The following CAMK1D variants were observed in gnomAD, a reference collection of about 807,000 sequenced individuals.
CAMK1D encodes calcium/calmodulin dependent protein kinase ID.
CAMK1D carries 9 observed loss-of-function variants against 47.7 expected under a neutral mutation model. That is an observed-to-expected ratio of 0.19 (90% CI 0.11 to 0.33). The LOEUF is 0.33. Ranked by LOEUF, CAMK1D falls within the 10% of genes least tolerant of loss-of-function variation. The pLI is 1.00. For synonymous variants in CAMK1D, 184 were observed against 184.9 expected, an observed-to-expected ratio of 0.99 and a Z score of 0.04; for missense variants, 291 against 488.7, an observed-to-expected ratio of 0.60 and a Z score of 3.81.
At chr10:12,819,218 G>A (rs1472841078) in intron 8 of CAMK1D, among the ~76,000 whole-genome samples, 2 of 152,214 alleles carry the variant, frequency 1.3e-5, no homozygotes, top group Non-Finnish European at 2.9e-5. Flanking sequence ...TGGAGGCCCT[G>A]CTGAGTGCCA....
chr10:12,428,747 C>T (rs946168444), intron 1 of CAMK1D, among the ~76,000 whole-genome samples: 1 of 152,212 alleles, frequency 6.6e-6, no homozygotes, highest in Non-Finnish European at 1.5e-5. Context: ...TTGAAATTCT[C>T]ACTCCCAATG....
intron 3 of CAMK1D, among the ~76,000 whole-genome samples, chr10:12,674,527 A>G (rs1304590792): frequency 6.7e-6 from 1 of 149,082 alleles, no homozygotes; most frequent in Non-Finnish European, 1.5e-5. Flanking sequence ...TTGTTCCTGT[A>G]CTGCTGCAGC....
chr10:12,372,825 C>G (rs547229465), intron 1 of CAMK1D, among the ~76,000 whole-genome samples: 20 of 152,234 alleles, frequency 1.3e-4, no homozygotes, highest in South Asian at 2.1e-4. Flanking sequence ...GAGACTGGGT[C>G]TCACTGTCTT....
chr10:12,586,536 C>G (rs1837824134), intron 2 of CAMK1D, among the ~76,000 whole-genome samples: 1 of 151,836 alleles, frequency 6.6e-6, no homozygotes, highest in South Asian at 2.1e-4. Context: ...GAAATCTACT[C>G]CTTTGTTAAA....
chr10:12,615,343 A>G (rs1426611859), intron 2 of CAMK1D, among the ~76,000 whole-genome samples: 1 of 152,224 alleles, frequency 6.6e-6, no homozygotes, highest in Non-Finnish European at 1.5e-5. Context: ...AATATATTGG[A>G]GTAATTAATT....
chr10:12,824,358 C>T (rs1029341994), intron 8 of CAMK1D, 107 bp from the exon 9 acceptor site: 30 of 956,384 alleles, frequency 3.1e-5, no homozygotes, highest in Admixed American at 2.9e-4. Flanking sequence ...ACCCTGTCCA[C>T]GACTGAGCCT....
chr10:12,548,745 A>G (rs990923087), intron 1 of CAMK1D, among the ~76,000 whole-genome samples: 18 of 152,114 alleles, frequency 1.2e-4, no homozygotes, highest in African/African-American at 4.3e-4. Flanking sequence ...GATTATAGGC[A>G]TGAGCCACCG....
At chr10:12,722,644 A>C (rs1191858163) in intron 3 of CAMK1D, among the ~76,000 whole-genome samples, 2 of 152,112 alleles carry the variant, frequency 1.3e-5, no homozygotes, top group South Asian at 2.1e-4. Flanking sequence ...CCATTTGGCA[A>C]ATGTTGGTTT....
At chr10:12,598,414 A>G (rs1351615492) in intron 2 of CAMK1D, among the ~76,000 whole-genome samples, 3 of 152,220 alleles carry the variant, frequency 2.0e-5, no homozygotes, top group Non-Finnish European at 4.4e-5. Context: ...AAGATACATC[A>G]GGTTGTGCTC....
intron 2 of CAMK1D, among the ~76,000 whole-genome samples, chr10:12,575,808 G>A (rs1269510571): frequency 6.6e-6 from 1 of 152,190 alleles, no homozygotes; most frequent in African/African-American, 2.4e-5. Context: ...TGGTTAAATG[G>A]ATTTGTGGGT....
chr10:12,450,481 C>T (rs962485015), intron 1 of CAMK1D, among the ~76,000 whole-genome samples: 2 of 152,206 alleles, frequency 1.3e-5, no homozygotes, highest in African/African-American at 4.8e-5. Flanking sequence ...AAACGTGGCT[C>T]TCTAGCCAGG....
At chr10:12,462,491 A>G (rs1300817491) in intron 1 of CAMK1D, among the ~76,000 whole-genome samples, 1 of 150,904 alleles carries the variant, frequency 6.6e-6, no homozygotes, top group East Asian at 1.9e-4. Flanking sequence ...TTTTGAATAA[A>G]TGGTTATAAG....
chr10:12,572,020 A>T (rs868118686), intron 2 of CAMK1D, among the ~76,000 whole-genome samples: 6 of 145,774 alleles, frequency 4.1e-5, no homozygotes, highest in Middle Eastern at 3.4e-3. Context: ...AAAGATAGAA[A>T]GCAGCACCCA....
At chr10:12,628,382 G>A (rs1441315458) in intron 2 of CAMK1D, among the ~76,000 whole-genome samples, 1 of 152,090 alleles carries the variant, frequency 6.6e-6, no homozygotes, top group African/African-American at 2.4e-5. Context: ...TACTAGTGTG[G>A]TCATGGCTCA....
At chr10:12,571,249 AG>A (rs1837314038) in intron 2 of CAMK1D, among the ~76,000 whole-genome samples, 1 of 151,212 alleles carries the variant, frequency 6.6e-6, no homozygotes, top group Admixed American at 6.6e-5. Context: ...ATTTGAGACC[AG>A]CCTGGCCAGC....
chr10:12,802,450 T>C (rs1838523179), intron 6 of CAMK1D, among the ~76,000 whole-genome samples: 2 of 152,204 alleles, frequency 1.3e-5, no homozygotes, highest in Non-Finnish European at 2.9e-5. Flanking sequence ...CTCCCATCTG[T>C]CTTCAGAAAT....
intron 5 of CAMK1D, among the ~76,000 whole-genome samples, chr10:12,771,493 G>A (rs190212794): frequency 5.3e-5 from 8 of 152,350 alleles, no homozygotes; most frequent in African/African-American, 1.9e-4. Flanking sequence ...GCCATGTCAA[G>A]CTCAAGTGTC....
chr10:12,663,304 C>T (rs1018752787), intron 2 of CAMK1D, among the ~76,000 whole-genome samples: 1 of 152,134 alleles, frequency 6.6e-6, no homozygotes, highest in Non-Finnish European at 1.5e-5. Context: ...CTGTATTTTA[C>T]CCTGGGATCA....
chr10:12,824,447 C>A lies in CAMK1D; in HGVS notation c.834-18C>A. ...CCAGAAGAAGCACTTCAGAGCAGCA[C>A]CTTTGCCTCTGTTTCAGGATCGCTG... On this transcript the variant is annotated intron_variant, in intron 8 of 10. Transcript: ENST00000619168. 6.2e-7 allele frequency: 1 copy of A among 1,611,826 alleles called. No homozygotes were observed. The highest frequency in any genetic ancestry group is 8.5e-7 in the Non-Finnish European group (1 of 1,177,956).
Sources: gnomAD v4.1 joint callset for allele counts (sites outside exome capture counted in the v4.1 genomes callset) on GRCh38, gnomAD v4.1.1 for gene constraint, MANE v1.5 for transcripts, NCBI Gene and HGNC (gene_info 2026-07-23, HGNC 2026-07-21) for gene names.